Variants in EZH2 observed in about 807,000 individuals in gnomAD.
EZH2 encodes the protein enhancer of zeste 2 polycomb repressive complex 2 subunit.
A neutral mutation model predicts 98.4 loss-of-function variants in EZH2; 18 were observed. The observed-to-expected ratio is 0.18, with a 90% CI of 0.13 to 0.27. The LOEUF is 0.27. EZH2 is among the 10% of genes least tolerant of loss of function. The pLI, the probability that EZH2 is intolerant of heterozygous loss-of-function variation, is 1.00. For synonymous variants in EZH2, 338 were observed against 312.3 expected, an observed-to-expected ratio of 1.08 and a Z score of -0.87; for missense variants, 470 against 935.1, an observed-to-expected ratio of 0.50 and a Z score of 6.49.
chr7:148,860,513 C>T (rs1817509112), intron 1 of EZH2, among the ~76,000 whole-genome samples: 2 of 151,920 alleles, frequency 1.3e-5, no homozygotes, highest in South Asian at 4.2e-4. Context: ...AATTAGCTAG[C>T]ATAGAAAAAT....
chr7:148,833,562 T>C (rs1019469530), intron 3 of EZH2, among the ~76,000 whole-genome samples: 5 of 152,324 alleles, frequency 3.3e-5, no homozygotes, highest in Admixed American at 1.3e-4. Context: ...ATTGCTGATA[T>C]TATCAGATGA....
At chr7:148,839,440 T>A (rs1452115471) in intron 3 of EZH2, among the ~76,000 whole-genome samples, 2 of 147,264 alleles carry the variant, frequency 1.4e-5, no homozygotes, top group African/African-American at 2.5e-5. Context: ...AATCTTGAAG[T>A]GAAGAAAGAC....
intron 1 of EZH2, among the ~76,000 whole-genome samples, chr7:148,864,585 G>T (rs1452058433): frequency 6.6e-6 from 1 of 151,538 alleles, no homozygotes; most frequent in Non-Finnish European, 1.5e-5. Flanking sequence ...GGAGGCTGAG[G>T]TGGGAGAACC....
chr7:148,842,609 G>C (rs1190112486), intron 3 of EZH2, among the ~76,000 whole-genome samples: 1 of 152,018 alleles, frequency 6.6e-6, no homozygotes, highest in African/African-American at 2.4e-5. Context: ...ATTAACTTAA[G>C]AATAAAAGAA....
chr7:148,828,928 A>C, intron 5 of EZH2, 48 bp from the exon 6 acceptor site: 11 of 1,547,248 alleles, frequency 7.1e-6, no homozygotes, highest in South Asian at 1.2e-5. Context: ...CAATAATGTC[A>C]AAAGTTTATG....
intron 8 of EZH2, 77 bp from the exon 9 acceptor site, chr7:148,819,764 A>G: frequency 9.6e-6 from 12 of 1,247,018 alleles, no homozygotes; most frequent in African/African-American, 1.5e-5. Flanking sequence ...TCCACTGGAA[A>G]AGTCAATTAA....
intron 12 of EZH2, among the ~76,000 whole-genome samples, chr7:148,816,385 T>C (rs909953827): frequency 2.6e-5 from 4 of 152,232 alleles, no homozygotes; most frequent in Non-Finnish European, 5.9e-5. Context: ...GTTAAAGTAA[T>C]TGTTTACGTA....
intron 3 of EZH2, among the ~76,000 whole-genome samples, chr7:148,845,728 T>A (rs1006800273): frequency 6.6e-6 from 1 of 152,212 alleles, no homozygotes; most frequent in Non-Finnish European, 1.5e-5. Flanking sequence ...TACTACATAG[T>A]GCAATTTTAA....
Position 148,823,494 on chromosome 7 carries a change from G to GA in EZH2, c.907+2959dup, listed in dbSNP as rs1371070406. On this transcript the variant is annotated intron_variant, in intron 8 of 19. Coordinates refer to ENST00000320356, the MANE Select transcript of EZH2 (RefSeq NM_004456.5). ...TGCCACCATGTAAATAAGACGGTCAGAAAAAAGGGTATCTTTATACTTGTC... is the reference window on the plus strand; with the variant it reads ...TGCCACCATGTAAATAAGACGGTCAGAAAAAAAGGGTATCTTTATACTTGTC... Among the ~76,000 whole-genome samples, 11 of 151,672 alleles carry GA rather than the reference G, an allele frequency of 7.3e-5. No individual in the cohort carries two copies. The East Asian group carries it at 2.1e-3, about 29-fold the overall frequency.
intron 1 of EZH2, among the ~76,000 whole-genome samples, chr7:148,882,174 C>G (rs1821103504): frequency 6.6e-6 from 1 of 152,132 alleles, no homozygotes; most frequent in African/African-American, 2.4e-5. Context: ...AATGCCCGTA[C>G]AGTGGTGTCA....
At chr7:148,820,925 C>T (rs1464858523) in intron 8 of EZH2, 2 of 152,074 alleles carry the variant, frequency 1.3e-5, no homozygotes, top group East Asian at 3.9e-4. Flanking sequence ...TAAAACTCAT[C>T]CAGAAGAGAC....
chr7:148,837,695 A>AGAC, intron 3 of EZH2, among the ~76,000 whole-genome samples: 1 of 152,384 alleles, frequency 6.6e-6, no homozygotes, highest in South Asian at 2.1e-4. Flanking sequence ...GGGAGATTGA[A>AGAC]GACGACACTT....
In EZH2 at chr7:148,827,327, T is replaced by G. The variant is rs576707818; in HGVS notation, c.626-61A>C. ...AAGTAAACAAGTTTTTGATCTTTCA[T>G]TTTCTCTACCCAATTATGTCTCTAT... is the stretch of plus-strand genomic sequence containing the variant. On this transcript the variant is annotated intron_variant, in intron 6 of 19. Transcript: ENST00000320356. 3.2e-6 allele frequency: 4 copies of G among 1,268,976 alleles called. No homozygotes were observed. The South Asian group carries it at 5.1e-5, about 16-fold the overall frequency. The allele number at this position is 1,268,976 out of a possible 1,614,324, so 78.6% of individuals were successfully genotyped here. A position where few individuals can be genotyped will look rare whatever the true frequency, so the allele number is the denominator to read the frequency against.
intron 3 of EZH2, among the ~76,000 whole-genome samples, chr7:148,846,218 T>A (rs1228298458): frequency 2.0e-5 from 3 of 152,144 alleles, no homozygotes; most frequent in African/African-American, 7.2e-5. Context: ...GCTTTTTTTT[T>A]TAAATCAACA....
At chr7:148,810,568 G>A (rs186198780) in intron 16 of EZH2, among the ~76,000 whole-genome samples, 154 bp from the exon 17 acceptor site, 285 of 152,272 alleles carry the variant, frequency 1.9e-3, no homozygotes, top group African/African-American at 6.6e-3. Context: ...TTCGGTCTGC[G>A]CAGTAATAAA....
At chr7:148,866,630 A>G (rs996452360) in intron 1 of EZH2, among the ~76,000 whole-genome samples, 30 of 146,840 alleles carry the variant, frequency 2.0e-4, no homozygotes, top group African/African-American at 6.2e-4. Flanking sequence ...GCATATATGT[A>G]TATATACATA....
intron 1 of EZH2, among the ~76,000 whole-genome samples, chr7:148,871,211 CAG>C (rs1159996823): frequency 6.6e-6 from 1 of 151,944 alleles, no homozygotes; most frequent in African/African-American, 2.4e-5. Context: ...GGCAAGGATG[CAG>C]AGACATCGAA....
intron 1 of EZH2, among the ~76,000 whole-genome samples, chr7:148,857,365 T>C (rs533238006): frequency 6.6e-6 from 1 of 152,242 alleles, no homozygotes; most frequent in Non-Finnish European, 1.5e-5. Flanking sequence ...ACTGGCAAAA[T>C]CCAAATAAAG....
chr7:148,829,007 G>T (rs1808541281), intron 5 of EZH2, 127 bp from the exon 6 acceptor site: 3 of 943,006 alleles, frequency 3.2e-6, no homozygotes, highest in Admixed American at 2.8e-5. Context: ...TTATTGAAAT[G>T]AGGGGAGGAA....
Sources: allele counts gnomAD v4.1 joint callset (sites outside exome capture counted in the v4.1 genomes callset), GRCh38; gene constraint gnomAD v4.1.1; transcripts MANE v1.5; gene names NCBI Gene and HGNC (gene_info 2026-07-23, HGNC 2026-07-21).